Variants in TANC2 observed in about 807,000 individuals in gnomAD.
The protein encoded by TANC2 is tetratricopeptide repeat, ankyrin repeat and coiled-coil containing 2, also known as protein TANC2.
TANC2 carries 26 observed loss-of-function variants against 210.5 expected under a neutral mutation model. The ratio of observed to expected loss-of-function variants is 0.12; its 90% CI spans 0.09 to 0.17. The LOEUF is 0.17. TANC2 is among the 10% of genes least tolerant of loss of function. The pLI, the probability that TANC2 is intolerant of heterozygous loss-of-function variation, is 1.00. For synonymous variants in TANC2, 931 were observed against 967.1 expected (o/e 0.96, Z 0.69); for missense variants, 2,129 against 2,608.9 (o/e 0.82, Z 4.01).
chr17:63,078,905 G>A (rs576739274), intron 3 of TANC2, among the ~76,000 whole-genome samples: 6 of 152,264 alleles, frequency 3.9e-5, no homozygotes, highest in African/African-American at 1.2e-4. Flanking sequence ...ACCTGATCAC[G>A]TTGATTGATA....
intron 19 of TANC2, 150 bp downstream of exon 19, chr17:63,399,064 A>G (rs1206815207): frequency 1.2e-5 from 6 of 494,862 alleles, no homozygotes; most frequent in African/African-American, 2.0e-5. Flanking sequence ...TAAACAGTCA[A>G]GCAGTTTTCC....
Position 63,302,599 on chromosome 17 carries a change from C to CTTTTTTTTTTTTTTT in TANC2, c.1160-11775_1160-11761dup, listed in dbSNP as rs568226580. Reference sequence around the variant, plus strand: ...TCAAAGACTAGGATTGCAACCCCTGCTTTTTTTTTTTTTTTTTTTTTTTTT... The same window carrying CTTTTTTTTTTTTTTT: ...TCAAAGACTAGGATTGCAACCCCTGCTTTTTTTTTTTTTTTTTTTTTTTTTTTTTTTTTTTTTTTT... On this transcript the variant is annotated intron_variant, in intron 9 of 27. Coordinates refer to ENST00000689528, the Ensembl canonical transcript of TANC2. Among the ~76,000 whole-genome samples the CTTTTTTTTTTTTTTT allele has an allele frequency of 8.8e-5, 2 of 22,768 alleles. 1 individual carries two copies. Among genetic ancestry groups the CTTTTTTTTTTTTTTT allele is most frequent in the African/African-American group, 3.3e-4 (2 of 6,054 alleles). The allele number at this position is 22,768 out of a possible 152,430, so 14.9% of individuals were successfully genotyped here.
chr17:63,359,549 A>G (rs745419192), intron 14 of TANC2, among the ~76,000 whole-genome samples: 6 of 151,700 alleles, frequency 4.0e-5, no homozygotes, highest in East Asian at 2.0e-4. Flanking sequence ...AGTTTCACCA[A>G]TTTGGCCAGG....
intron 14 of TANC2, among the ~76,000 whole-genome samples, chr17:63,366,455 T>A (rs16946894): frequency 0.071 from 10,760 of 152,248 alleles, 1,209 homozygotes; most frequent in African/African-American, 0.24. Flanking sequence ...TCAATTTTCC[T>A]ATGACTACCG....
intron 7 of TANC2, among the ~76,000 whole-genome samples, chr17:63,222,171 T>C (rs113344694): frequency 0.046 from 6,988 of 152,178 alleles, 518 homozygotes; most frequent in African/African-American, 0.15. Flanking sequence ...GTGAGGAAGC[T>C]TTTTTGGTAC....
chr17:63,425,859 C>G (rs1457384305), exon 28 of TANC2: 1 of 152,260 alleles, frequency 6.6e-6, no homozygotes, highest in Non-Finnish European at 1.5e-5. Flanking sequence ...CCCTTCTTCC[C>G]CATGAGCCTC....
chr17:63,129,924 G>T (rs574572197), intron 4 of TANC2, among the ~76,000 whole-genome samples: 46 of 151,978 alleles, frequency 3.0e-4, no homozygotes, highest in African/African-American at 1.1e-3. Flanking sequence ...ATAGAAGTAT[G>T]TGATAGATTT....
At chr17:63,039,250 A>G (rs373359875) in intron 2 of TANC2, among the ~76,000 whole-genome samples, 1 of 152,174 alleles carries the variant, frequency 6.6e-6, no homozygotes, top group East Asian at 1.9e-4. Flanking sequence ...TTAGAAATAC[A>G]TTTCTCTTTT....
At chr17:63,288,365 T>G (rs2044286775) in intron 9 of TANC2, among the ~76,000 whole-genome samples, 1 of 152,250 alleles carries the variant, frequency 6.6e-6, no homozygotes, top group Non-Finnish European at 1.5e-5. Context: ...TTCTAATAAT[T>G]CCATTGTGAT....
chr17:63,210,987 C>G (rs75935894), intron 7 of TANC2, among the ~76,000 whole-genome samples: 4,375 of 152,134 alleles, frequency 0.029, 213 homozygotes, highest in African/African-American at 0.099. Flanking sequence ...CTGAGAGGAG[C>G]CCTTGCCTCC....
In TANC2 at chr17:63,421,313, T is replaced by C. The variant is rs763962382; in HGVS notation, c.5583T>C (p.Ser1861=). 1 of 1,614,010 alleles carries C rather than the reference T, an allele frequency of 6.2e-7. No individual in the cohort carries two copies. The highest frequency in any genetic ancestry group is 1.1e-5 in the South Asian group (1 of 91,086). The stretch of plus-strand genomic sequence containing the variant: ...CCAGGCCGTTGCTGCATTCCCAAAG[T>C]GTAGGCCTTCGCTTCTCTCCATCTA... Residue 1861 remains serine, a synonymous_variant, in exon 28 of 28, where the codon AGT becomes AGC. Transcript: ENST00000689528. This position sits in a 1 kb window ranked among gnomAD's most constrained non-coding sequence, Gnocchi z 6.9.
At chr17:63,124,047 A>G (rs1226236092) in intron 4 of TANC2, among the ~76,000 whole-genome samples, 1 of 152,298 alleles carries the variant, frequency 6.6e-6, no homozygotes, top group Admixed American at 6.5e-5. Context: ...AAAGGTAGAA[A>G]GTAAATATTT....
In TANC2 at chr17:63,252,466, T is replaced by G. The variant is rs529015197; in HGVS notation, c.1033+14389T>G. Among the ~76,000 whole-genome samples, 135 of 152,268 alleles carry G rather than the reference T, an allele frequency of 8.9e-4. 1 individual carries two copies. Among genetic ancestry groups the G allele is most frequent in the Middle Eastern group, 6.8e-3 (2 of 294 alleles). ...GACTATAGCCCACCCTGTTTTGCTG[T>G]CAAATACTAGATCTTATTCATTCTG... On this transcript the variant is annotated intron_variant, in intron 8 of 27. Coordinates refer to ENST00000689528, the Ensembl canonical transcript of TANC2.
rs935165801 is a variant in TANC2 at position 63,420,983 on chromosome 17, C to T, written c.5253C>T (p.Ile1751=). The change falls in exon 28 of 28, where the codon ATC becomes ATT. Residue 1751 remains isoleucine (I), a synonymous_variant. Transcript: ENST00000689528. The surrounding 1 kb of genome is among the most constrained non-coding windows in gnomAD (Gnocchi z 4.2). The stretch of plus-strand genomic sequence containing the variant: ...TTTATCAAGGGTCAATTGGGGGAAT[C>T]GTAGGGGATGGAAGGCCGGTGCAGC... 10 of 1,613,852 alleles carry T rather than the reference C, an allele frequency of 6.2e-6. No individual in the cohort carries two copies. The East Asian group carries it at 8.9e-5, about 14-fold the overall frequency.
At chr17:63,373,110 G>T (rs1297158401) in intron 14 of TANC2, among the ~76,000 whole-genome samples, 2 of 151,650 alleles carry the variant, frequency 1.3e-5, no homozygotes, top group African/African-American at 4.8e-5. Flanking sequence ...TATCCAGGCT[G>T]GTCTCAAACT....
intron 5 of TANC2, among the ~76,000 whole-genome samples, chr17:63,156,879 C>T (rs1432416078): frequency 1.3e-5 from 2 of 152,054 alleles, no homozygotes; most frequent in Non-Finnish European, 2.9e-5. Flanking sequence ...TTTGTAGAGA[C>T]AGGGTCTCAC....
chr17:63,236,843 A>G (rs902733235), intron 7 of TANC2, among the ~76,000 whole-genome samples: 2 of 152,184 alleles, frequency 1.3e-5, no homozygotes, highest in African/African-American at 2.4e-5. Context: ...TTTATGGCTG[A>G]ATAATATTCC....
At chr17:63,003,879 GTCT>G (rs2033494785) in intron 1 of TANC2, among the ~76,000 whole-genome samples, 1 of 152,084 alleles carries the variant, frequency 6.6e-6, no homozygotes, top group Admixed American at 6.6e-5. Flanking sequence ...TAGTGAGACA[GTCT>G]GTTTTTTAAT....
At chr17:63,089,576 ACTGTATGAT>A (rs2037104367) in intron 3 of TANC2, among the ~76,000 whole-genome samples, 1 of 152,032 alleles carries the variant, frequency 6.6e-6, no homozygotes, top group African/African-American at 2.4e-5. Context: ...TTGCTGATTG[ACTGTATGAT>A]CTTTAATTAG....
Sources: allele counts gnomAD v4.1 joint callset (sites outside exome capture counted in the v4.1 genomes callset), GRCh38; gene constraint gnomAD v4.1.1; non-coding constraint Gnocchi (gnomAD v3.1); transcripts MANE v1.5; gene names NCBI Gene and HGNC (gene_info 2026-07-23, HGNC 2026-07-21).